NSMCE2: variants seen among roughly 807,000 people sequenced by gnomAD.
NSMCE2 encodes E3 SUMO-protein ligase NSE2.
Under a neutral mutation model 23.8 loss-of-function variants are expected in NSMCE2, and 24 were observed. The observed-to-expected ratio is 1.01, with a 90% confidence interval of 0.73 to 1.42. NSMCE2 has a LOEUF of 1.42. Among genes scored for constraint, NSMCE2 ranks in the 40% most tolerant of loss-of-function variants. NSMCE2 has a pLI of 0.00. For missense variants in NSMCE2, 284 were observed against 296.5 expected (o/e 0.96, Z 0.31); for synonymous variants, 92 against 94.1 (o/e 0.98, Z 0.13).
chr8:125,134,094 A>G (rs746390786), intron 3 of NSMCE2, among the ~76,000 whole-genome samples: 1 of 152,246 alleles, frequency 6.6e-6, no homozygotes, highest in Non-Finnish European at 1.5e-5. Context: ...AGCAAATTAT[A>G]GTACAAAGCA....
At chr8:125,204,513 A>T (rs1824024233) in intron 5 of NSMCE2, among the ~76,000 whole-genome samples, 1 of 152,146 alleles carries the variant, frequency 6.6e-6, no homozygotes, top group Non-Finnish European at 1.5e-5. Context: ...TCTTTCCTTT[A>T]TATGGAAGCA....
chr8:125,242,196 G>A (rs190914872), intron 5 of NSMCE2, among the ~76,000 whole-genome samples: 7 of 152,210 alleles, frequency 4.6e-5, no homozygotes, highest in Admixed American at 3.3e-4. Flanking sequence ...GAGAGGAAAG[G>A]ATGGCTGAGG....
At chr8:125,228,118 G>A (rs919506287) in intron 5 of NSMCE2, among the ~76,000 whole-genome samples, 26 of 151,944 alleles carry the variant, frequency 1.7e-4, no homozygotes, top group African/African-American at 5.6e-4. Flanking sequence ...TATCAAAATT[G>A]CCTAATTTTT....
At chr8:125,215,648 T>C (rs1326360243) in intron 5 of NSMCE2, among the ~76,000 whole-genome samples, 1 of 152,186 alleles carries the variant, frequency 6.6e-6, no homozygotes, top group African/African-American at 2.4e-5. Flanking sequence ...GGTTTTCTTC[T>C]AGGGTTTTTA....
At chr8:125,167,723 G>A (rs1203211258) in intron 4 of NSMCE2, among the ~76,000 whole-genome samples, 1 of 151,966 alleles carries the variant, frequency 6.6e-6, no homozygotes, top group African/African-American at 2.4e-5. Flanking sequence ...CTAGACTTGG[G>A]GGGAAAAATC....
intron 5 of NSMCE2, among the ~76,000 whole-genome samples, chr8:125,327,245 G>A (rs1440059839): frequency 2.2e-4 from 27 of 123,290 alleles, no homozygotes; most frequent in African/African-American, 8.2e-4. Context: ...CAGCCTGGGC[G>A]ATAAAGCAAG....
At chr8:125,347,915 T>G (rs1563798815) in intron 5 of NSMCE2, among the ~76,000 whole-genome samples, 2 of 152,216 alleles carry the variant, frequency 1.3e-5, no homozygotes. Flanking sequence ...ATGAAATGCT[T>G]ACATTTAAGG....
chr8:125,251,084 T>C lies in NSMCE2; in HGVS notation c.418+68828T>C, dbSNP rs997439035. Among the ~76,000 whole-genome samples the C allele has an allele frequency of 4.6e-5, 7 of 152,314 alleles. No individual in the cohort carries two copies. The South Asian group carries it at 8.3e-4, about 18-fold the overall frequency. On this transcript the variant is annotated intron_variant, in intron 5 of 7. Coordinates refer to ENST00000287437, the MANE Select transcript of NSMCE2 (RefSeq NM_173685.4). ...GGTAGGACTGCAAATGATCTGAATT[T>C]TTATGTGTGTGTTTAAAATTTCTCT...
At chr8:125,167,720 TG>T (rs551285529) in intron 4 of NSMCE2, among the ~76,000 whole-genome samples, 1 of 151,478 alleles carries the variant, frequency 6.6e-6, no homozygotes, top group Non-Finnish European at 1.5e-5. Context: ...AGGCTAGACT[TG>T]GGGGGAAAAA....
At chr8:125,191,510 G>A (rs1182946939) in intron 5 of NSMCE2, among the ~76,000 whole-genome samples, 2 of 152,166 alleles carry the variant, frequency 1.3e-5, no homozygotes, top group African/African-American at 4.8e-5. Flanking sequence ...TGACGCTGGA[G>A]GAATCTGCTT....
chr8:125,143,590 G>A (rs914297370), intron 3 of NSMCE2, among the ~76,000 whole-genome samples: 5 of 152,200 alleles, frequency 3.3e-5, no homozygotes, highest in African/African-American at 7.2e-5. Context: ...CTAATAAAAT[G>A]CGTGGAGTTG....
chr8:125,236,060 C>A (rs1301390923), intron 5 of NSMCE2, among the ~76,000 whole-genome samples: 2 of 152,218 alleles, frequency 1.3e-5, no homozygotes, highest in East Asian at 3.9e-4. Flanking sequence ...TATAAGAAAA[C>A]ATCCTCAGAG....
intron 5 of NSMCE2, among the ~76,000 whole-genome samples, chr8:125,330,427 C>T (rs1239893870): frequency 2.0e-5 from 3 of 151,998 alleles, no homozygotes; most frequent in South Asian, 2.1e-4. Context: ...CCACCCACCT[C>T]GGCCTCCCAA....
intron 5 of NSMCE2, among the ~76,000 whole-genome samples, chr8:125,346,809 A>G (rs75433144): frequency 4.9e-4 from 75 of 152,324 alleles, no homozygotes; most frequent in African/African-American, 1.8e-3. Flanking sequence ...TAAACCTAAT[A>G]TTTGGACAGT....
intron 5 of NSMCE2, among the ~76,000 whole-genome samples, chr8:125,220,454 G>A (rs937634564): frequency 2.8e-4 from 42 of 152,018 alleles, no homozygotes; most frequent in Non-Finnish European, 7.4e-5. Flanking sequence ...ACAAAAATGA[G>A]CCTAACCTAA....
intron 5 of NSMCE2, among the ~76,000 whole-genome samples, chr8:125,268,584 T>C (rs1314085535): frequency 6.6e-6 from 1 of 152,186 alleles, no homozygotes; most frequent in African/African-American, 2.4e-5. Context: ...AGACCTGGAA[T>C]CAGAGAGAAA....
chr8:125,326,767 C>T (rs1205726255), intron 5 of NSMCE2, among the ~76,000 whole-genome samples: 2 of 150,738 alleles, frequency 1.3e-5, no homozygotes, highest in East Asian at 3.9e-4. Context: ...ACAGGCCTGG[C>T]CAATGTGGCA....
At chr8:125,353,018 G>A (rs1010434287) in intron 5 of NSMCE2, among the ~76,000 whole-genome samples, 1 of 152,150 alleles carries the variant, frequency 6.6e-6, no homozygotes, top group Non-Finnish European at 1.5e-5. Flanking sequence ...CACTGATGCT[G>A]GTAGCCACCT....
rs1821055682 is a variant in NSMCE2 at position 125,151,954 on chromosome 8, T to C, written c.264+677T>C. Among the ~76,000 whole-genome samples, 5 of 152,208 alleles carry C rather than the reference T, an allele frequency of 3.3e-5. No individual in the cohort carries two copies. In the South Asian group the frequency reaches 1.0e-3, roughly 31 times the overall value. ...GAACTGATTTTGTATACCTGTGTAATAGGATGTCTTGTATTTCTGGTTTCG... is the reference window on the plus strand; with the variant it reads ...GAACTGATTTTGTATACCTGTGTAACAGGATGTCTTGTATTTCTGGTTTCG... On this transcript the variant is annotated intron_variant, in intron 4 of 7. Coordinates refer to ENST00000287437, the MANE Select transcript of NSMCE2 (RefSeq NM_173685.4).
Sources: allele counts gnomAD v4.1 joint callset (sites outside exome capture counted in the v4.1 genomes callset), GRCh38; gene constraint gnomAD v4.1.1; transcripts MANE v1.5; gene names NCBI Gene and HGNC (gene_info 2026-07-23, HGNC 2026-07-21).